TDRP: variants seen among roughly 807,000 people sequenced by gnomAD.
TDRP encodes the protein testis development related protein, also known as testis development-related protein.
Under a neutral mutation model 10.5 loss-of-function variants are expected in TDRP, and 12 were observed. That is an observed-to-expected ratio of 1.15 (90% CI 0.73 to 1.86). The LOEUF (loss-of-function observed/expected upper bound fraction) is 1.86. Ranked by LOEUF, TDRP falls within the 40% of genes most tolerant of loss-of-function variation. TDRP has a pLI of 0.00. For synonymous variants in TDRP, 139 were observed against 95.4 expected (o/e 1.46, Z -2.67); for missense variants, 353 against 229.2 (o/e 1.54, Z -3.49).
chr8:513,385 C>G (rs1364196798), intron 1 of TDRP, among the ~76,000 whole-genome samples: 2 of 151,994 alleles, frequency 1.3e-5, no homozygotes, highest in East Asian at 3.9e-4. Flanking sequence ...ATTAATATAG[C>G]AAATGAATAA....
At chr8:531,457 A>G (rs1802195373) in intron 1 of TDRP, among the ~76,000 whole-genome samples, 1 of 152,128 alleles carries the variant, frequency 6.6e-6, no homozygotes, top group Admixed American at 6.6e-5. Flanking sequence ...TCCTTAATCC[A>G]TAGGATCTGT....
intron 1 of TDRP, among the ~76,000 whole-genome samples, chr8:515,094 G>A (rs1801722795): frequency 6.6e-6 from 1 of 152,124 alleles, no homozygotes; most frequent in Non-Finnish European, 1.5e-5. Context: ...AACCTTGTGG[G>A]AATCCACACA....
At chr8:533,794 T>C (rs116475726) in intron 1 of TDRP, among the ~76,000 whole-genome samples, 8 of 152,218 alleles carry the variant, frequency 5.3e-5, no homozygotes, top group African/African-American at 1.7e-4. Flanking sequence ...ATATAAAGTA[T>C]AGGGTAGGCA....
At chr8:507,308 G>T (rs1293087700) in intron 1 of TDRP, among the ~76,000 whole-genome samples, 1 of 152,122 alleles carries the variant, frequency 6.6e-6, no homozygotes. Flanking sequence ...TTTGAGACAA[G>T]CCTAAGATTT....
chr8:507,534 A>G (rs1318556212), intron 1 of TDRP, among the ~76,000 whole-genome samples: 1 of 152,190 alleles, frequency 6.6e-6, no homozygotes, highest in African/African-American at 2.4e-5. Context: ...TAGCAGCTGC[A>G]TGCGGTCACG....
chr8:521,013 T>A (rs1016505048), intron 1 of TDRP, among the ~76,000 whole-genome samples: 6 of 152,152 alleles, frequency 3.9e-5, no homozygotes, highest in Non-Finnish European at 8.8e-5. Flanking sequence ...CCAAATCCAA[T>A]GCCCTGAACC....
At chr8:525,299 A>G (rs758685446) in intron 1 of TDRP, among the ~76,000 whole-genome samples, 1 of 151,784 alleles carries the variant, frequency 6.6e-6, no homozygotes, top group Non-Finnish European at 1.5e-5. Flanking sequence ...TCTGTCCTAC[A>G]AGAAATGTTA....
At chr8:507,827 T>C (rs1395922540) in intron 1 of TDRP, among the ~76,000 whole-genome samples, 1 of 152,222 alleles carries the variant, frequency 6.6e-6, no homozygotes, top group African/African-American at 2.4e-5. Flanking sequence ...GCTTAATACC[T>C]GGGTGACAAA....
intron 1 of TDRP, among the ~76,000 whole-genome samples, chr8:528,045 C>T (rs1251157691): frequency 2.6e-5 from 4 of 152,088 alleles, no homozygotes; most frequent in African/African-American, 4.8e-5. Context: ...ATAAAAGGTG[C>T]TCAAACACAT....
chr8:543,898 T>G, intron 1 of TDRP, among the ~76,000 whole-genome samples: 1 of 113,258 alleles, frequency 8.8e-6, no homozygotes, highest in African/African-American at 3.5e-5. Flanking sequence ...TCATTGTACA[T>G]GAAAAAGAGC....
At chr8:530,534 C>T (rs1329622552) in intron 1 of TDRP, among the ~76,000 whole-genome samples, 1 of 152,132 alleles carries the variant, frequency 6.6e-6, no homozygotes, top group Non-Finnish European at 1.5e-5. Context: ...GCTAGAGATT[C>T]TGGGGCCTCT....
chr8:538,125 G>A (rs1423433446), intron 1 of TDRP, among the ~76,000 whole-genome samples: 3 of 152,230 alleles, frequency 2.0e-5, no homozygotes, highest in Admixed American at 1.3e-4. Context: ...GGAGAGGTTT[G>A]GTTCAGCTCC....
intron 1 of TDRP, among the ~76,000 whole-genome samples, chr8:535,345 C>G (rs978371184): frequency 2.0e-5 from 3 of 152,100 alleles, no homozygotes; most frequent in Non-Finnish European, 4.4e-5. Context: ...GCAACCCCCA[C>G]AGAACTCCCA....
At chr8:521,196 A>C (rs1448275946) in intron 1 of TDRP, among the ~76,000 whole-genome samples, 1 of 148,258 alleles carries the variant, frequency 6.7e-6, no homozygotes, top group Non-Finnish European at 1.5e-5. Context: ...AGGTCAGGAG[A>C]TAGAGATCAT....
chr8:504,261 G>A (rs548162301), intron 1 of TDRP, among the ~76,000 whole-genome samples: 1 of 152,306 alleles, frequency 6.6e-6, no homozygotes, highest in Admixed American at 6.5e-5. Context: ...ACAAACGGAG[G>A]ACTGGCCTCA....
At chr8:501,042 T>A (rs1418901719) in intron 1 of TDRP, among the ~76,000 whole-genome samples, 1 of 151,958 alleles carries the variant, frequency 6.6e-6, no homozygotes, top group Non-Finnish European at 1.5e-5. Flanking sequence ...CCGTCTCTAC[T>A]AAAAATACAA....
intron 1 of TDRP, among the ~76,000 whole-genome samples, chr8:524,311 C>T (rs779127673): frequency 1.4e-4 from 22 of 152,158 alleles, no homozygotes; most frequent in Non-Finnish European, 3.1e-4. Context: ...ACTTGGAAAG[C>T]TTTCCCAAGA....
intron 1 of TDRP, among the ~76,000 whole-genome samples, chr8:513,654 G>C (rs1194465326): frequency 6.6e-6 from 1 of 152,146 alleles, no homozygotes; most frequent in Non-Finnish European, 1.5e-5. Flanking sequence ...TTCAGCCACA[G>C]CAATTAGACA....
rs140449512 is a variant in TDRP, at chr8:523,835, G to C, written c.108+20815C>G. 1.5e-3 allele frequency among the ~76,000 whole-genome samples: 228 copies of C among 152,262 alleles called. 2 individuals are homozygous for C. Among genetic ancestry groups the C allele is most frequent in the African/African-American group, 5.3e-3 (220 of 41,568 alleles). On this transcript the variant is annotated intron_variant, in intron 1 of 2. Transcript: ENST00000324079. ...TTCTGACTCCAGGCCCTGGCTCCTGGACAGCATCCCTAGATACATCCAGGG... is the reference window on the plus strand; with the variant it reads ...TTCTGACTCCAGGCCCTGGCTCCTGCACAGCATCCCTAGATACATCCAGGG...
Sources: gnomAD v4.1 joint callset for allele counts (sites outside exome capture counted in the v4.1 genomes callset) on GRCh38, gnomAD v4.1.1 for gene constraint, MANE v1.5 for transcripts, NCBI Gene and HGNC (gene_info 2026-07-23, HGNC 2026-07-21) for gene names.